POU6F2: variants seen among roughly 807,000 people sequenced by gnomAD.
POU6F2 encodes the protein POU class 6 homeobox 2.
Under a neutral mutation model 71.3 loss-of-function variants are expected in POU6F2, and 31 were observed. The observed-to-expected ratio is 0.43, with a 90% CI of 0.33 to 0.59. The LOEUF (loss-of-function observed/expected upper bound fraction) is 0.59, where lower values mean the gene tolerates loss of function less well. Among genes scored for constraint, POU6F2 ranks in the 20% least tolerant of loss-of-function variants. The pLI is 0.04. For missense variants in POU6F2, 783 were observed against 856.8 expected, an observed-to-expected ratio of 0.91 and a Z score of 1.07; for synonymous variants, 347 against 355.7, an observed-to-expected ratio of 0.98 and a Z score of 0.27.
At chr7:39,004,021 C>T (rs1272991983) in intron 1 of POU6F2, among the ~76,000 whole-genome samples, 1 of 151,724 alleles carries the variant, frequency 6.6e-6, no homozygotes, top group East Asian at 1.9e-4. Context: ...ATAGACATTC[C>T]GTTTAAAATG....
intron 5 of POU6F2, among the ~76,000 whole-genome samples, chr7:39,371,514 A>G (rs1297138747): frequency 1.3e-5 from 2 of 152,034 alleles, no homozygotes; most frequent in African/African-American, 4.8e-5. Flanking sequence ...GGGGGCTCGG[A>G]GCACTAACGG....
rs572339062 is a variant in POU6F2, at chr7:39,136,307, G to C, written c.277+50276G>C. Among the ~76,000 whole-genome samples, 10 of 152,264 alleles carry C rather than the reference G, an allele frequency of 6.6e-5. No individual in the cohort carries two copies. The East Asian group carries it at 1.7e-3, about 26-fold the overall frequency. The stretch of plus-strand genomic sequence containing the variant: ...AAATTATTAGGGTGAAGGTGGAATA[G>C]AACTTACCCTACCAGATACCAAAAT... On this transcript the variant is annotated intron_variant, in intron 2 of 9. Transcript: ENST00000518318.
intron 4 of POU6F2, among the ~76,000 whole-genome samples, chr7:39,234,773 C>T (rs1794642191): frequency 6.6e-6 from 1 of 152,186 alleles, no homozygotes; most frequent in African/African-American, 2.4e-5. Context: ...TTCTTGCCAA[C>T]ACACTGGATT....
At chr7:39,151,507 C>A (rs1378268521) in intron 2 of POU6F2, among the ~76,000 whole-genome samples, 1 of 152,100 alleles carries the variant, frequency 6.6e-6, no homozygotes, top group Non-Finnish European at 1.5e-5. Context: ...TCTTGGTCTT[C>A]CTGAAGTAGA....
chr7:39,125,474 T>G (rs1792122475), intron 2 of POU6F2, among the ~76,000 whole-genome samples: 1 of 152,210 alleles, frequency 6.6e-6, no homozygotes. Context: ...CCTGATTCGC[T>G]GCCTTTTTTG....
intron 1 of POU6F2, among the ~76,000 whole-genome samples, chr7:39,007,779 T>A (rs1488715139): frequency 6.6e-6 from 1 of 151,150 alleles, no homozygotes. Context: ...ATGCGGTGTT[T>A]GGTTTTTTGT....
chr7:39,084,152 T>A (rs1325358472), intron 1 of POU6F2, among the ~76,000 whole-genome samples: 1 of 152,190 alleles, frequency 6.6e-6, no homozygotes, highest in African/African-American at 2.4e-5. Context: ...TTATCCTGTT[T>A]TGTTAGATGG....
Position 39,024,113 on chromosome 7 carries a change from G to A in POU6F2, c.105+46055G>A, listed in dbSNP as rs181027010. On this transcript the variant is annotated intron_variant, in intron 1 of 9. Transcript: ENST00000518318. Reference sequence around the variant, plus strand: ...CCTTGGGCAGTATGGCCATTTCCACGATATTGATTCTTCCTACCCATGAGC... The same window carrying A: ...CCTTGGGCAGTATGGCCATTTCCACAATATTGATTCTTCCTACCCATGAGC... 3.5e-3 allele frequency among the ~76,000 whole-genome samples: 531 copies of A among 152,190 alleles called. 9 individuals carry two copies. The highest frequency in any genetic ancestry group is 0.033 in the South Asian group (158 of 4,820).
At chr7:39,297,928 T>A (rs1170644007) in intron 4 of POU6F2, among the ~76,000 whole-genome samples, 1 of 152,212 alleles carries the variant, frequency 6.6e-6, no homozygotes, top group Non-Finnish European at 1.5e-5. Flanking sequence ...CAGTAAATGA[T>A]GCTGGGAAAA....
chr7:39,133,997 C>T (rs1335247744), intron 2 of POU6F2, among the ~76,000 whole-genome samples: 1 of 152,122 alleles, frequency 6.6e-6, no homozygotes, highest in Non-Finnish European at 1.5e-5. Flanking sequence ...ACCTCAGCCT[C>T]CTGAGTAGCT....
chr7:39,401,406 C>T (rs1787300685), intron 5 of POU6F2, among the ~76,000 whole-genome samples: 1 of 152,164 alleles, frequency 6.6e-6, no homozygotes, highest in South Asian at 2.1e-4. Context: ...GTTGTTATAA[C>T]ACAACAATAA....
At chr7:39,102,228 C>T (rs918530744) in intron 2 of POU6F2, among the ~76,000 whole-genome samples, 1 of 152,086 alleles carries the variant, frequency 6.6e-6, no homozygotes, top group African/African-American at 2.4e-5. Flanking sequence ...AAAATTAACA[C>T]CTATTAAGTG....
At chr7:39,424,776 C>A (rs1242897422) in intron 6 of POU6F2, among the ~76,000 whole-genome samples, 1 of 151,708 alleles carries the variant, frequency 6.6e-6, no homozygotes, top group Non-Finnish European at 1.5e-5. Context: ...ACCCCAGATA[C>A]TATGCTGCAT....
At chr7:39,314,555 T>C (rs900822337) in intron 4 of POU6F2, among the ~76,000 whole-genome samples, 6 of 152,254 alleles carry the variant, frequency 3.9e-5, no homozygotes, top group African/African-American at 1.4e-4. Flanking sequence ...GCTTTTCTGT[T>C]TTGTCACTCT....
intron 1 of POU6F2, among the ~76,000 whole-genome samples, chr7:38,989,445 T>C (rs1025410900): frequency 3.3e-5 from 5 of 152,060 alleles, no homozygotes; most frequent in African/African-American, 1.2e-4. Flanking sequence ...GATCAAAAGC[T>C]AAGATGGTTT....
At chr7:39,314,684 A>G (rs1785229020) in intron 4 of POU6F2, among the ~76,000 whole-genome samples, 1 of 152,218 alleles carries the variant, frequency 6.6e-6, no homozygotes, top group African/African-American at 2.4e-5. Flanking sequence ...TTATTCTTAC[A>G]TTTACAAAAA....
chr7:39,416,814 T>TAAAAAAAAAAAAAAAAAA (rs531942673), intron 6 of POU6F2, among the ~76,000 whole-genome samples: 1 of 142,440 alleles, frequency 7.0e-6, no homozygotes, highest in African/African-American at 2.6e-5. Flanking sequence ...GTTAAAAATG[T>TAAAAAAAAAAAAAAAAAA]AAAAAAAAAA....
intron 1 of POU6F2, among the ~76,000 whole-genome samples, chr7:39,056,083 A>T (rs1790511108): frequency 6.6e-6 from 1 of 151,828 alleles, no homozygotes; most frequent in Non-Finnish European, 1.5e-5. Context: ...TCCTCAATCC[A>T]GTTCTCAATA....
chr7:39,101,446 AT>A (rs34625792), intron 2 of POU6F2, among the ~76,000 whole-genome samples: 34,393 of 141,482 alleles, frequency 0.24, 4,375 homozygotes, highest in East Asian at 0.56. Flanking sequence ...TCTAGGCAAG[AT>A]TTTTTTTTTT....
Sources: gnomAD v4.1 joint callset for allele counts (sites outside exome capture counted in the v4.1 genomes callset) on GRCh38, gnomAD v4.1.1 for gene constraint, MANE v1.5 for transcripts, NCBI Gene and HGNC (gene_info 2026-07-23, HGNC 2026-07-21) for gene names.